Variants in WWC1 observed in about 807,000 individuals in gnomAD.
WWC1 encodes WW and C2 domain containing 1, also known as protein KIBRA.
In WWC1, 55 loss-of-function variants were observed where a neutral mutation model predicts 138.4. The observed-to-expected ratio is 0.40, with a 90% CI of 0.32 to 0.50. The LOEUF (loss-of-function observed/expected upper bound fraction) is 0.50. Ranked by LOEUF, WWC1 falls within the 20% of genes least tolerant of loss-of-function variation. The pLI, the probability that WWC1 is intolerant of heterozygous loss-of-function variation, is 0.72. For synonymous variants in WWC1, 524 were observed against 564.9 expected (o/e 0.93, Z 1.03); for missense variants, 1,226 against 1,420.4 (o/e 0.86, Z 2.20).
At chr5:168,300,914 C>T (rs1770009916) in intron 1 of WWC1, among the ~76,000 whole-genome samples, 2 of 152,238 alleles carry the variant, frequency 1.3e-5, no homozygotes, top group South Asian at 4.1e-4. Flanking sequence ...GGACAGCCTT[C>T]CAGTCCTACA....
intron 6 of WWC1, among the ~76,000 whole-genome samples, chr5:168,407,477 G>A (rs1375122114): frequency 2.0e-5 from 3 of 152,150 alleles, no homozygotes; most frequent in Admixed American, 6.5e-5. Flanking sequence ...CCTCAGAGAT[G>A]CTATAAATGA....
At chr5:168,388,213 ATT>A (rs1353020769) in intron 3 of WWC1, among the ~76,000 whole-genome samples, 1 of 152,168 alleles carries the variant, frequency 6.6e-6, no homozygotes, top group Non-Finnish European at 1.5e-5. Context: ...TCACAAGAAT[ATT>A]TCATCTGAAT....
intron 1 of WWC1, among the ~76,000 whole-genome samples, chr5:168,356,194 AT>A (rs1327165963): frequency 6.6e-6 from 1 of 152,228 alleles, no homozygotes; most frequent in Non-Finnish European, 1.5e-5. Context: ...TGCCGACTAG[AT>A]TCATTACGTC....
At chr5:168,448,807 G>C (rs1275150417) in intron 17 of WWC1, among the ~76,000 whole-genome samples, 1 of 151,970 alleles carries the variant, frequency 6.6e-6, no homozygotes, top group African/African-American at 2.4e-5. Context: ...TTTTAGTAGA[G>C]ATGGGGTTTC....
At chr5:168,424,191 G>A in intron 11 of WWC1, 123 bp downstream of exon 11, 1 of 1,210,182 alleles carries the variant, frequency 8.3e-7, no homozygotes, top group Non-Finnish European at 1.1e-6. Context: ...CTGGGTCTTT[G>A]TATGGCAAGT....
At chr5:168,342,426 G>A (rs1774110840) in intron 1 of WWC1, among the ~76,000 whole-genome samples, 1 of 152,180 alleles carries the variant, frequency 6.6e-6, no homozygotes, top group Admixed American at 6.5e-5. Flanking sequence ...ACACCCACAA[G>A]TATATGCACA....
At chr5:168,431,186 T>C in intron 14 of WWC1, 66 bp from the exon 15 acceptor site, 2 of 1,421,428 alleles carry the variant, frequency 1.4e-6, no homozygotes, top group African/African-American at 2.8e-5. Flanking sequence ...AGCAGCTGTT[T>C]AGTCCAACAT....
rs764719279 is a variant in WWC1 at position 168,330,051 on chromosome 5, A to G, written c.119+37780A>G. Among the ~76,000 whole-genome samples the G allele has an allele frequency of 4.6e-5, 7 of 152,314 alleles. No individual in the cohort carries two copies. In the East Asian group the frequency reaches 1.3e-3, roughly 29 times the overall value. ...CTTGAACCCGGGAGGTGGAGGCTGC[A>G]GTGAGCCGAGATCGCACCACTGCAC... On this transcript the variant is annotated intron_variant, in intron 1 of 22. Coordinates refer to ENST00000265293, the MANE Select transcript of WWC1 (RefSeq NM_015238.3).
intron 20 of WWC1, among the ~76,000 whole-genome samples, chr5:168,464,519 A>G (rs1412515135): frequency 2.0e-5 from 3 of 152,188 alleles, no homozygotes; most frequent in African/African-American, 2.4e-5. Flanking sequence ...ATGGAAATGA[A>G]GTGCTTAGTG....
intron 13 of WWC1, 28 bp from the exon 14 acceptor site, chr5:168,430,109 G>C (rs776369495): frequency 1.3e-6 from 2 of 1,537,088 alleles, no homozygotes; most frequent in Non-Finnish European, 1.8e-6. Flanking sequence ...TTACTAATAG[G>C]TACTTCATAT....
chr5:168,434,390 A>G (rs1782188946), intron 15 of WWC1, among the ~76,000 whole-genome samples: 2 of 152,166 alleles, frequency 1.3e-5, no homozygotes, highest in Non-Finnish European at 2.9e-5. Context: ...TCTCCCACGC[A>G]GAGACTCCGG....
chr5:168,344,658 T>G (rs1774322472), intron 1 of WWC1, among the ~76,000 whole-genome samples: 1 of 152,238 alleles, frequency 6.6e-6, no homozygotes, highest in Non-Finnish European at 1.5e-5. Flanking sequence ...CTGAAGCAGG[T>G]GCTCTTGCTC....
intron 1 of WWC1, among the ~76,000 whole-genome samples, chr5:168,339,956 CCTCTCTCTCTCTGTCTCTCTTT>C (rs1773885073): frequency 7.9e-6 from 1 of 127,080 alleles, no homozygotes; most frequent in Non-Finnish European, 1.7e-5. Flanking sequence ...TCCCCCTCTC[CCTCTCTCTCTCTGTCTCTCTTT>C]CTCTCTTTCT....
chr5:168,424,347 A>C (rs1182934158), intron 11 of WWC1, among the ~76,000 whole-genome samples: 3 of 152,186 alleles, frequency 2.0e-5, no homozygotes, highest in African/African-American at 7.2e-5. Context: ...ATATACATGG[A>C]TTCATCTATT....
chr5:168,399,659 C>T (rs1019527681), intron 5 of WWC1, 92 bp downstream of exon 5: 13 of 1,243,788 alleles, frequency 1.0e-5, no homozygotes, highest in African/African-American at 1.5e-5. Context: ...CAGTCCCTTT[C>T]CTCCCTTCTC....
At chr5:168,310,583 T>G (rs1306385754) in intron 1 of WWC1, among the ~76,000 whole-genome samples, 1 of 152,014 alleles carries the variant, frequency 6.6e-6, no homozygotes, top group African/African-American at 2.4e-5. Context: ...GCCTGTAAAT[T>G]CAGCACTTTG....
chr5:168,336,041 A>G (rs1216982371), intron 1 of WWC1, among the ~76,000 whole-genome samples: 1 of 152,222 alleles, frequency 6.6e-6, no homozygotes, highest in Non-Finnish European at 1.5e-5. Context: ...ATGTTGTTTT[A>G]GCAATGGAAC....
chr5:168,338,430 G>C (rs112132601), intron 1 of WWC1, among the ~76,000 whole-genome samples: 20,270 of 150,152 alleles, frequency 0.13, 2,225 homozygotes, highest in East Asian at 0.43. Context: ...TTTTGGGGGG[G>C]GATTGAGTCT....
Position 168,376,750 on chromosome 5 carries a change from A to G in WWC1, c.229+5217A>G, listed in dbSNP as rs541244061. On this transcript the variant is annotated intron_variant, in intron 2 of 22. Coordinates refer to ENST00000265293, the MANE Select transcript of WWC1 (RefSeq NM_015238.3). ...GGAGGTGAAAGATATATACAAGGAG[A>G]ACTACTAAACACTGCTGAAAGAAAT... Among the ~76,000 whole-genome samples the G allele has an allele frequency of 2.0e-5, 3 of 152,320 alleles. No individual in the cohort carries two copies. In the South Asian group the frequency reaches 6.2e-4, roughly 32 times the overall value.
Sources: gnomAD v4.1 joint callset for allele counts (sites outside exome capture counted in the v4.1 genomes callset) on GRCh38, gnomAD v4.1.1 for gene constraint, MANE v1.5 for transcripts, NCBI Gene and HGNC (gene_info 2026-07-23, HGNC 2026-07-21) for gene names.